VTI1A: variants seen among roughly 807,000 people sequenced by gnomAD.
VTI1A encodes vesicle transport through interaction with t-SNAREs 1A.
A neutral mutation model predicts 34.9 loss-of-function variants in VTI1A; 22 were observed. That is an observed-to-expected ratio of 0.63 (90% CI 0.45 to 0.90). VTI1A has a LOEUF of 0.90. Among genes scored for constraint, VTI1A ranks in the 40% least tolerant of loss-of-function variants. The pLI, the probability that VTI1A is intolerant of heterozygous loss-of-function variation, is 0.00. For synonymous variants in VTI1A, 87 were observed against 97.3 expected (o/e 0.89, Z 0.62); for missense variants, 268 against 275.6 (o/e 0.97, Z 0.20).
chr10:112,697,061 A>G (rs1400764336), intron 7 of VTI1A, among the ~76,000 whole-genome samples: 1 of 152,202 alleles, frequency 6.6e-6, no homozygotes, highest in Non-Finnish European at 1.5e-5. Flanking sequence ...ATAATCAGAA[A>G]TATTTTCCTA....
At chr10:112,737,618 A>G (rs1362063439) in intron 7 of VTI1A, 1 of 1,048,724 alleles carries the variant, frequency 9.5e-7, no homozygotes. Context: ...ATCTGAAGGC[A>G]AAGCCTCTAT....
At chr10:112,666,312 A>C (rs1847637523) in intron 5 of VTI1A, among the ~76,000 whole-genome samples, 2 of 152,204 alleles carry the variant, frequency 1.3e-5, no homozygotes, top group Admixed American at 6.6e-5. Flanking sequence ...GCTGTCAAAA[A>C]TATATTTATG....
At chr10:112,845,259 A>T in the VTI1A span, among the ~76,000 whole-genome samples, 1 of 152,150 alleles carries the variant, frequency 6.6e-6, no homozygotes, top group Non-Finnish European at 1.5e-5. Flanking sequence ...TCTCTGCACA[A>T]GTTGGGGCAG....
At chr10:112,471,349 C>A (rs905893574) in intron 3 of VTI1A, among the ~76,000 whole-genome samples, 7 of 148,404 alleles carry the variant, frequency 4.7e-5, no homozygotes, top group Non-Finnish European at 8.9e-5. Flanking sequence ...GTTCACTTAC[C>A]TAATTTCATT....
intron 7 of VTI1A, among the ~76,000 whole-genome samples, chr10:112,720,005 G>A (rs1849743572): frequency 6.6e-6 from 1 of 152,248 alleles, no homozygotes; most frequent in African/African-American, 2.4e-5. Flanking sequence ...ACTATATGTG[G>A]TATTTTGCGT....
intron 7 of VTI1A, among the ~76,000 whole-genome samples, chr10:112,721,294 C>A (rs567253216): frequency 2.6e-5 from 4 of 152,220 alleles, no homozygotes; most frequent in Non-Finnish European, 5.9e-5. Context: ...AAGGAGCACT[C>A]ACTTACCATT....
At chr10:112,778,016 C>T (rs373699403) in intron 7 of VTI1A, among the ~76,000 whole-genome samples, 1 of 151,998 alleles carries the variant, frequency 6.6e-6, no homozygotes, top group East Asian at 1.9e-4. Flanking sequence ...GCAGGAGAAT[C>T]GCTTGAACCT....
chr10:112,461,828 A>C (rs1486138552), intron 2 of VTI1A, among the ~76,000 whole-genome samples: 4 of 152,126 alleles, frequency 2.6e-5, no homozygotes, highest in Non-Finnish European at 4.4e-5. Context: ...AGCGATTCTC[A>C]TGCCTCAGTG....
chr10:112,795,815 G>A (rs1227500498), intron 7 of VTI1A, among the ~76,000 whole-genome samples: 3 of 151,834 alleles, frequency 2.0e-5, no homozygotes, highest in Non-Finnish European at 4.4e-5. Context: ...TTTTAGTTTA[G>A]CATTATTTTA....
intron 7 of VTI1A, among the ~76,000 whole-genome samples, chr10:112,781,721 GGTGCACACTCA>G (rs1852133840): frequency 3.0e-4 from 4 of 13,196 alleles, no homozygotes; most frequent in Admixed American, 1.4e-3. Flanking sequence ...CACACTCATA[GGTGCACACTCA>G]TAGTCCCAGC....
At chr10:112,483,727 T>C (rs967052971) in intron 3 of VTI1A, among the ~76,000 whole-genome samples, 2 of 152,044 alleles carry the variant, frequency 1.3e-5, no homozygotes, top group African/African-American at 4.8e-5. Flanking sequence ...GGGGGCAAAA[T>C]TATCCCTGGT....
intron 5 of VTI1A, among the ~76,000 whole-genome samples, chr10:112,645,596 A>T (rs1846742145): frequency 6.6e-6 from 1 of 152,204 alleles, no homozygotes; most frequent in Admixed American, 6.5e-5. Flanking sequence ...AGGAGTGAAG[A>T]AGCCTAGGTT....
At chr10:112,713,916 C>T (rs1380386170) in intron 7 of VTI1A, among the ~76,000 whole-genome samples, 1 of 152,114 alleles carries the variant, frequency 6.6e-6, no homozygotes. Flanking sequence ...ATGGAGATTA[C>T]TACACTAGAC....
intron 5 of VTI1A, among the ~76,000 whole-genome samples, chr10:112,555,016 A>G (rs895609578): frequency 3.9e-5 from 6 of 152,122 alleles, no homozygotes; most frequent in African/African-American, 1.4e-4. Flanking sequence ...TAGAAGAATG[A>G]GAGTTAATAT....
At chr10:112,652,287 G>A (rs558712545) in intron 5 of VTI1A, among the ~76,000 whole-genome samples, 1 of 152,292 alleles carries the variant, frequency 6.6e-6, no homozygotes, top group South Asian at 2.1e-4. Context: ...GACTAGAGCG[G>A]TACACTTCAG....
chr10:112,538,365 T>A (rs779884464), intron 5 of VTI1A, 35 bp downstream of exon 5: 2 of 1,581,890 alleles, frequency 1.3e-6, no homozygotes, highest in Admixed American at 3.3e-5. Context: ...TTGTCTTGCT[T>A]ATGCACAGCA....
chr10:112,487,917 T>G (rs1848699029), intron 3 of VTI1A, among the ~76,000 whole-genome samples: 1 of 152,224 alleles, frequency 6.6e-6, no homozygotes, highest in Non-Finnish European at 1.5e-5. Context: ...GGTAGTTTGG[T>G]ACATTTGGTA....
rs554226542 is a variant in VTI1A, at chr10:112,526,619, A to G, written c.265-468A>G. 3.3e-5 allele frequency among the ~76,000 whole-genome samples: 5 copies of G among 152,286 alleles called. No individual in the cohort carries two copies. The East Asian group carries it at 9.6e-4, about 29-fold the overall frequency. Reference sequence around the variant, plus strand: ...TGCTATTCTAGGCATTGCAGAGTATAGTTGGAGATATAATTATTATCCTAG... The same window carrying G: ...TGCTATTCTAGGCATTGCAGAGTATGGTTGGAGATATAATTATTATCCTAG... On this transcript the variant is annotated intron_variant, in intron 3 of 7. Coordinates refer to ENST00000393077, the MANE Select transcript of VTI1A (RefSeq NM_145206.4).
At chr10:112,538,057 T>C (rs1216391683) in intron 4 of VTI1A, among the ~76,000 whole-genome samples, 189 bp from the exon 5 acceptor site, 1 of 152,126 alleles carries the variant, frequency 6.6e-6, no homozygotes, top group Non-Finnish European at 1.5e-5. Flanking sequence ...GGATGGTCCA[T>C]ACGTGATTGC....
Sources: gnomAD v4.1 joint callset for allele counts (sites outside exome capture counted in the v4.1 genomes callset) on GRCh38, gnomAD v4.1.1 for gene constraint, MANE v1.5 for transcripts, NCBI Gene and HGNC (gene_info 2026-07-23, HGNC 2026-07-21) for gene names.